CDK5RAP2: variants seen among roughly 807,000 people sequenced by gnomAD.
CDK5RAP2 encodes CDK5 regulatory subunit associated protein 2.
A neutral mutation model predicts 232.9 loss-of-function variants in CDK5RAP2; 147 were observed. The ratio of observed to expected loss-of-function variants is 0.63; its 90% CI spans 0.55 to 0.72. CDK5RAP2 has a LOEUF of 0.72. Ranked by LOEUF, CDK5RAP2 falls within the 30% of genes least tolerant of loss-of-function variation. CDK5RAP2 has a pLI of 0.00. For missense variants in CDK5RAP2, 2,195 were observed against 2,231.5 expected (o/e 0.98, Z 0.33); for synonymous variants, 833 against 833.7 (o/e 1.00, Z 0.01).
At chr9:120,411,865 C>T (rs953909108) in intron 28 of CDK5RAP2, among the ~76,000 whole-genome samples, 2 of 152,176 alleles carry the variant, frequency 1.3e-5, no homozygotes, top group African/African-American at 4.8e-5. Flanking sequence ...TCCAAACCTG[C>T]TCTCTCTCAC....
intron 12 of CDK5RAP2, among the ~76,000 whole-genome samples, chr9:120,491,922 T>C (rs1447855540): frequency 6.6e-6 from 1 of 152,142 alleles, no homozygotes; most frequent in Non-Finnish European, 1.5e-5. Context: ...TATATCTAAG[T>C]AGAGGAATTG....
At chr9:120,412,080 C>T (rs190040212) in intron 28 of CDK5RAP2, among the ~76,000 whole-genome samples, 90 of 152,284 alleles carry the variant, frequency 5.9e-4, no homozygotes, top group Non-Finnish European at 8.8e-5. Context: ...CCTTGCCTCC[C>T]GGCTGTTCTG....
intron 21 of CDK5RAP2, 26 bp downstream of exon 21, chr9:120,453,430 C>A (rs1333908672): frequency 6.3e-7 from 1 of 1,589,072 alleles, no homozygotes; most frequent in Non-Finnish European, 8.6e-7. Flanking sequence ...AAAGTAAGTA[C>A]ATAATTATTA....
intron 7 of CDK5RAP2, 122 bp downstream of exon 7, chr9:120,536,250 C>A: frequency 9.6e-7 from 1 of 1,043,778 alleles, no homozygotes; most frequent in Non-Finnish European, 1.5e-6. Flanking sequence ...TCCCATTAGT[C>A]ACTCAAGTCC....
At chr9:120,579,072 T>G (rs556378627) in intron 1 of CDK5RAP2, among the ~76,000 whole-genome samples, 5 of 152,088 alleles carry the variant, frequency 3.3e-5, no homozygotes, top group East Asian at 3.9e-4. Flanking sequence ...TGGAGCAGAG[T>G]TGCGCTCTGT....
At position 120,498,288 on chromosome 9, in the gene CDK5RAP2, G is replaced by A. The variant is rs532480356; in HGVS notation, c.1312-6811C>T. 5.9e-5 allele frequency among the ~76,000 whole-genome samples: 9 copies of A among 152,178 alleles called. No homozygotes were observed. The East Asian group carries it at 1.2e-3, about 20-fold the overall frequency. On this transcript the variant is annotated intron_variant, in intron 12 of 37. Coordinates refer to ENST00000349780, the MANE Select transcript of CDK5RAP2 (RefSeq NM_018249.6). ...TGTCTTTTCTCATTCCTTTGACTCC[G>A]ACGGACTTCATTGCCCCCACGACCT...
chr9:120,415,789 C>T (rs2034174911), intron 27 of CDK5RAP2, among the ~76,000 whole-genome samples: 1 of 151,108 alleles, frequency 6.6e-6, no homozygotes, highest in East Asian at 1.9e-4. Context: ...TAATTCAACT[C>T]TTAGGACTCT....
chr9:120,532,920 C>CA (rs1298463836), intron 7 of CDK5RAP2, among the ~76,000 whole-genome samples: 1 of 152,098 alleles, frequency 6.6e-6, no homozygotes, highest in Non-Finnish European at 1.5e-5. Flanking sequence ...GTCCCCCTTC[C>CA]AAAAAAAGAT....
At position 120,409,124 on chromosome 9, in the gene CDK5RAP2, T is replaced by C. The variant is rs2033683153; in HGVS notation, c.4604+3A>G. 6.2e-7 allele frequency: 1 copy of C among 1,610,940 alleles called. No individual in the cohort carries two copies. The highest frequency in any genetic ancestry group is 8.5e-7 in the Non-Finnish European group (1 of 1,179,856). ...CAGGCCACCAGGGAAGCACAGCCAC[T>C]ACCTGCTCAGCTCCTGGCCGCTGCA... On this transcript the variant is annotated splice_donor_region_variant and intron_variant, in intron 30 of 37. Coordinates refer to ENST00000349780, the MANE Select transcript of CDK5RAP2 (RefSeq NM_018249.6).
chr9:120,577,883 T>C (rs1343007781), intron 1 of CDK5RAP2, among the ~76,000 whole-genome samples: 1 of 152,164 alleles, frequency 6.6e-6, no homozygotes, highest in Non-Finnish European at 1.5e-5. Context: ...AGAATGGCTA[T>C]CTGAGAGAAT....
intron 20 of CDK5RAP2, among the ~76,000 whole-genome samples, chr9:120,454,856 T>C (rs1156578184): frequency 6.6e-6 from 1 of 152,186 alleles, no homozygotes; most frequent in Non-Finnish European, 1.5e-5. Context: ...AGATCATTAT[T>C]GCACCCTTAT....
At chr9:120,500,380 A>G (rs1462118192) in intron 12 of CDK5RAP2, among the ~76,000 whole-genome samples, 1 of 152,226 alleles carries the variant, frequency 6.6e-6, no homozygotes, top group African/African-American at 2.4e-5. Flanking sequence ...AATTCTTTCT[A>G]CAATGTGACA....
chr9:120,392,270 T>C (rs1439225268), intron 36 of CDK5RAP2, among the ~76,000 whole-genome samples: 1 of 152,170 alleles, frequency 6.6e-6, no homozygotes, highest in East Asian at 1.9e-4. Flanking sequence ...GACCAACTAG[T>C]TAGTCTGAGT....
chr9:120,437,237 C>T, intron 25 of CDK5RAP2, 58 bp downstream of exon 25: 1 of 1,274,992 alleles, frequency 7.8e-7, no homozygotes, highest in Non-Finnish European at 1.1e-6. Flanking sequence ...TGTGCCCCTC[C>T]AAGAAGTCCT....
chr9:120,542,570 A>G (rs1168720149), intron 5 of CDK5RAP2, among the ~76,000 whole-genome samples: 1 of 152,206 alleles, frequency 6.6e-6, no homozygotes, highest in Non-Finnish European at 1.5e-5. Context: ...ATACACAGAT[A>G]CTGTGTATAT....
chr9:120,568,439 T>C (rs1305958565), intron 2 of CDK5RAP2, 51 bp from the exon 3 acceptor site: 2 of 1,278,944 alleles, frequency 1.6e-6, no homozygotes, highest in Admixed American at 1.7e-5. Context: ...AACTGCCCAG[T>C]GTTCCTATTG....
intron 17 of CDK5RAP2, among the ~76,000 whole-genome samples, chr9:120,468,765 G>A (rs1208436114): frequency 6.6e-6 from 1 of 152,232 alleles, no homozygotes; most frequent in East Asian, 1.9e-4. Context: ...CCTGGGTCTT[G>A]CGAGGCCACA....
intron 15 of CDK5RAP2, 123 bp from the exon 16 acceptor site, chr9:120,472,001 T>G: frequency 7.9e-7 from 1 of 1,260,762 alleles, no homozygotes; most frequent in Non-Finnish European, 1.1e-6. Context: ...TAAAAGTATA[T>G]ACAGGTTTAC....
intron 12 of CDK5RAP2, among the ~76,000 whole-genome samples, chr9:120,500,602 T>C (rs1027221496): frequency 1.3e-5 from 2 of 152,220 alleles, no homozygotes; most frequent in African/African-American, 4.8e-5. Context: ...CTTGTGCAAA[T>C]TGTCCTTGTG....
Sources: allele counts gnomAD v4.1 joint callset (sites outside exome capture counted in the v4.1 genomes callset), GRCh38; gene constraint gnomAD v4.1.1; transcripts MANE v1.5; gene names NCBI Gene and HGNC (gene_info 2026-07-23, HGNC 2026-07-21).